Variants in CABS1 observed in about 807,000 individuals in gnomAD.
CABS1 encodes the protein calcium-binding and spermatid-specific protein 1.
For missense variants in CABS1, 500 were observed against 464.3 expected (o/e 1.08, Z -0.71); for synonymous variants, 195 against 169.0 (o/e 1.15, Z -1.19).
At position 70,335,183 on chromosome 4, in the gene CABS1, C is replaced by A. The variant is rs768161856; in HGVS notation, c.144C>A (p.Val48=). ...ETTITSEGDH[V]TSVNEYMLES... ...CTATTACTTCAGAAGGAGACCACGTCACTTCAGTAAATGAATATATGCTAG... is the reference window on the plus strand; with the variant it reads ...CTATTACTTCAGAAGGAGACCACGTAACTTCAGTAAATGAATATATGCTAG... Residue 48 remains valine, a synonymous_variant, in exon 1 of 2, where the codon GTC becomes GTA. Coordinates refer to ENST00000273936, the MANE Select transcript of CABS1 (RefSeq NM_033122.4). 6.2e-7 allele frequency: 1 copy of A among 1,613,820 alleles called. No homozygotes were observed. The highest frequency in any genetic ancestry group is 1.1e-5 in the South Asian group (1 of 91,072).
At position 70,335,489 on chromosome 4, in the gene CABS1, C is replaced by T. The variant is rs1444000814; in HGVS notation, c.450C>T (p.Asp150=). The T allele has an allele frequency of 1.2e-6, 2 of 1,613,718 alleles. No individual in the cohort carries two copies. Among genetic ancestry groups the T allele is most frequent in the East Asian group, 2.2e-5 (1 of 44,836 alleles). The change falls in exon 1 of 2, where the codon GAC becomes GAT. Residue 150 remains aspartate, a synonymous_variant. Transcript: ENST00000273936. The stretch of plus-strand genomic sequence containing the variant: ...AAGATATCCTCTTAGCTACCATTGA[C>T]ACAGGAGATGCAGAGATCTCAATAA... ...AKEDILLATI[D]TGDAEISITS...
rs1290881688 is a variant in CABS1 at position 70,335,413 on chromosome 4, C to T, written c.374C>T (p.Ser125Leu). Residue 125 changes from serine (S) to leucine (L), a missense_variant, in exon 1 of 2, where the codon TCA (serine) becomes TTA (leucine). Physicochemically the swap from Ser to Leu is moderately radical, Grantham distance 145. Coordinates refer to ENST00000273936, the MANE Select transcript of CABS1 (RefSeq NM_033122.4). The part of the protein sequence containing the change: ...FMPVKIGNIS[S>L]PVTTVSLIDF... Reference sequence around the variant, plus strand: ...CCAGTGAAAATTGGGAATATTTCATCACCAGTTACTACTGTTTCTTTAATA... The same window carrying T: ...CCAGTGAAAATTGGGAATATTTCATTACCAGTTACTACTGTTTCTTTAATA... 5.0e-6 allele frequency: 8 copies of T among 1,613,734 alleles called. No homozygotes were observed. The highest frequency in any genetic ancestry group is 6.8e-6 in the Non-Finnish European group (8 of 1,179,820).
chr4:70,335,393 GA>G lies in CABS1; in HGVS notation c.358del (p.Ile120LeufsTer13). ...DSITEHFMPV[K>X]IGNISSPVTT... ...CTATTACCGAACATTTCATGCCAGT[GA>G]AAATTGGGAATATTTCATCACCAGT... is the stretch of plus-strand genomic sequence containing the variant. On this transcript the variant is annotated frameshift_variant, in exon 1 of 2. Transcript: ENST00000273936. LOFTEE classifies it low-confidence loss of function (END_TRUNC). The G allele has an allele frequency of 6.2e-7, 1 of 1,613,670 alleles. No homozygotes were observed. Among genetic ancestry groups the G allele is most frequent in the Non-Finnish European group, 8.5e-7 (1 of 1,179,800 alleles).
intron 1 of CABS1, among the ~76,000 whole-genome samples, chr4:70,336,700 T>C (rs1227628221): frequency 1.3e-5 from 2 of 152,004 alleles, no homozygotes; most frequent in African/African-American, 2.4e-5. Context: ...ATTTTTTCAT[T>C]AGTATTTCAT....
At position 70,335,715 on chromosome 4, in the gene CABS1, A is replaced by G. The variant is rs763162691; in HGVS notation, c.676A>G (p.Thr226Ala). ...CCCTCCTGCTCCTGAAGAAAGCTTC[A>G]CTACTATTCCAGACATAACTGCCCT... ...EIPPAPEESF[T>A]TIPDITALEE... Residue 226 changes from threonine to alanine, a missense_variant, in exon 1 of 2, where the codon ACT (threonine) becomes GCT (alanine). Coordinates refer to ENST00000273936, the MANE Select transcript of CABS1 (RefSeq NM_033122.4). 1.2e-5 allele frequency: 19 copies of G among 1,613,542 alleles called. No homozygotes were observed. Among genetic ancestry groups the G allele is most frequent in the African/African-American group, 4.0e-5 (3 of 74,894 alleles).
rs762611329 is a variant in CABS1 at position 70,335,466 on chromosome 4, G to C, written c.427G>C (p.Asp143His). The C allele has an allele frequency of 2.6e-5, 42 of 1,613,518 alleles. No homozygotes were observed. ...IDFSTDIAKE[D>H]ILLATIDTGD... ...TTTTTCCACTGACATAGCAAAAGAA[G>C]ATATCCTCTTAGCTACCATTGACAC... The change falls in exon 1 of 2, where the codon GAT (aspartate) becomes CAT (histidine). Residue 143 changes from aspartate (D) to histidine (H), a missense_variant. Asp to His is a moderately conservative substitution (Grantham distance 81, BLOSUM62 -1). Coordinates refer to ENST00000273936, the MANE Select transcript of CABS1 (RefSeq NM_033122.4).
rs752623263 is a variant in CABS1 at position 70,336,197 on chromosome 4, G to A, written c.1158G>A (p.Leu386=). The change falls in exon 1 of 2, where the codon CTG becomes CTA. Residue 386 remains leucine, a synonymous_variant. Transcript: ENST00000273936. ...STTETDIFEL[L]KEEPDEFMI is the part of the protein sequence containing the mutation. The stretch of plus-strand genomic sequence containing the variant: ...CTGAAACGGATATCTTTGAACTACT[G>A]AAAGAAGAACCCGATGAGTTCATGA... The A allele has an allele frequency of 6.2e-7, 1 of 1,611,434 alleles. No homozygotes were observed. The highest frequency in any genetic ancestry group is 1.3e-5 in the African/African-American group (1 of 74,624).
In CABS1 at chr4:70,335,690, C is replaced by T. The variant is rs768124627; in HGVS notation, c.651C>T (p.Ile217=). Residue 217 remains isoleucine, a synonymous_variant, in exon 1 of 2, where the codon ATC becomes ATT. Transcript: ENST00000273936. ...VTDSTIPEAE[I]PPAPEESFTT... ...ATTCCACTATTCCTGAGGCTGAAAT[C>T]CCTCCTGCTCCTGAAGAAAGCTTCA... 3.8e-5 allele frequency: 62 copies of T among 1,613,528 alleles called. No individual in the cohort carries two copies. The highest frequency in any genetic ancestry group is 5.2e-5 in the Non-Finnish European group (61 of 1,179,746).
Position 70,336,060 on chromosome 4 carries a change from G to A in CABS1, c.1021G>A (p.Glu341Lys), listed in dbSNP as rs748967987. Residue 341 changes from glutamate (E) to lysine (K), a missense_variant, in exon 1 of 2, where the codon GAA (glutamate) becomes AAA (lysine). By Grantham distance (56) the Glu-to-Lys change is moderately conservative (BLOSUM62 1). Coordinates refer to ENST00000273936, the MANE Select transcript of CABS1 (RefSeq NM_033122.4). ...TNLVEESSTE[E>K]DLSETDNTET... ...CCTAGTGGAAGAATCATCTACAGAA[G>A]AAGATTTGTCTGAAACTGATAATAC... is the stretch of plus-strand genomic sequence containing the variant. 1 of 1,613,410 alleles carries A rather than the reference G, an allele frequency of 6.2e-7. No homozygotes were observed. Among genetic ancestry groups the A allele is most frequent in the East Asian group, 2.2e-5 (1 of 44,844 alleles).
At position 70,336,105 on chromosome 4, in the gene CABS1, A is replaced by C; in HGVS notation, c.1066A>C (p.Thr356Pro). The C allele has an allele frequency of 6.2e-7, 1 of 1,613,208 alleles. No homozygotes were observed. Among genetic ancestry groups the C allele is most frequent in the South Asian group, 1.1e-5 (1 of 91,068 alleles). ...TDNTETVPKI[T>P]EPFSGTTSVL... ...TAATACAGAGACTGTACCTAAGATC[A>C]CTGAGCCATTTTCTGGAACTACCTC... Residue 356 changes from threonine to proline, a missense_variant, in exon 1 of 2, where the codon ACT (threonine) becomes CCT (proline). By Grantham distance (38) the Thr-to-Pro change is conservative (BLOSUM62 -1). Transcript: ENST00000273936.
rs1479256504 is a variant in CABS1 at position 70,335,660 on chromosome 4, C to T, written c.621C>T (p.Val207=). ...SNVPADEAVQ[V]TDSTIPEAEI... The stretch of plus-strand genomic sequence containing the variant: ...TCCCTGCTGATGAGGCTGTCCAGGT[C>T]ACTGATTCCACTATTCCTGAGGCTG... Residue 207 remains valine (V), a synonymous_variant, in exon 1 of 2, where the codon GTC becomes GTT. Transcript: ENST00000273936. 6.2e-7 allele frequency: 1 copy of T among 1,613,406 alleles called. No homozygotes were observed. The highest frequency in any genetic ancestry group is 1.3e-5 in the African/African-American group (1 of 74,878).
rs773366011 is a variant in CABS1, at chr4:70,335,881, G to A, written c.842G>A (p.Arg281Gln). ...TCTGCTGAAAAAGACAAAGATAAAC[G>A]GGAAGATACTCTGCTAACTGATGAA... ...TTSAEKDKDK[R>Q]EDTLLTDEET... The change falls in exon 1 of 2, where the codon CGG becomes CAG. Residue 281 changes from arginine (R) to glutamine (Q), a missense_variant. Physicochemically the swap from Arg to Gln is conservative, Grantham distance 43. Transcript: ENST00000273936. 3.1e-6 allele frequency: 5 copies of A among 1,613,554 alleles called. No individual in the cohort carries two copies. The highest frequency in any genetic ancestry group is 1.7e-5 in the Admixed American group (1 of 59,954).
Position 70,336,065 on chromosome 4 carries a change from T to G in CABS1, c.1026T>G (p.Asp342Glu), listed in dbSNP as rs1362940183. 1.2e-6 allele frequency: 2 copies of G among 1,613,266 alleles called. No individual in the cohort carries two copies. Among genetic ancestry groups the G allele is most frequent in the African/African-American group, 2.7e-5 (2 of 74,852 alleles). ...TGGAAGAATCATCTACAGAAGAAGA[T>G]TTGTCTGAAACTGATAATACAGAGA... Reference protein sequence around the residue: ...NLVEESSTEEDLSETDNTETV... With the variant: ...NLVEESSTEEELSETDNTETV... The change falls in exon 1 of 2, where the codon GAT becomes GAG. Residue 342 changes from aspartate (D) to glutamate (E), a missense_variant. By Grantham distance (45) the Asp-to-Glu change is conservative. Coordinates refer to ENST00000273936, the MANE Select transcript of CABS1 (RefSeq NM_033122.4).
rs3796706 is a variant in CABS1, at chr4:70,335,265, A to C, written c.226A>C (p.Lys76Gln). The change falls in exon 1 of 2, where the codon AAA (lysine) becomes CAA (glutamine). Residue 76 changes from lysine to glutamine, a missense_variant. By Grantham distance (53) the Lys-to-Gln change is moderately conservative (BLOSUM62 1). Coordinates refer to ENST00000273936, the MANE Select transcript of CABS1 (RefSeq NM_033122.4). The part of the protein sequence containing the change: ...NKLTAKKEKL[K>Q]SEDDMGTDFI... ...ACTGACAGCTAAAAAGGAAAAACTC[A>C]AATCAGAAGATGATATGGGGACCGA... 574 of 1,613,578 alleles carry C rather than the reference A, an allele frequency of 3.6e-4. 5 individuals carry two copies. In the East Asian group the frequency reaches 0.012, roughly 34 times the overall value.
In CABS1 at chr4:70,336,128, C is replaced by G; in HGVS notation, c.1089C>G (p.Thr363=). The G allele has an allele frequency of 3.1e-6, 5 of 1,613,208 alleles. No individual in the cohort carries two copies. The highest frequency in any genetic ancestry group is 4.2e-6 in the Non-Finnish European group (5 of 1,179,480). Residue 363 remains threonine (T), a synonymous_variant, in exon 1 of 2, where the codon ACC becomes ACG. Transcript: ENST00000273936. ...TCACTGAGCCATTTTCTGGAACTAC[C>G]TCTGTATTAGATACCCCAGACTATA... The part of the protein sequence containing the change: ...PKITEPFSGT[T]SVLDTPDYKE...
At position 70,336,026 on chromosome 4, in the gene CABS1, A is replaced by G. The variant is rs985075662; in HGVS notation, c.987A>G (p.Ile329Met). ...SRYDFVVPAS[I>M]ATNLVEESST... The stretch of plus-strand genomic sequence containing the variant: ...ATGACTTCGTTGTCCCTGCATCAAT[A>G]GCTACAAACCTAGTGGAAGAATCAT... Residue 329 changes from isoleucine to methionine, a missense_variant, in exon 1 of 2, where the codon ATA becomes ATG. Coordinates refer to ENST00000273936, the MANE Select transcript of CABS1 (RefSeq NM_033122.4). 6.2e-7 allele frequency: 1 copy of G among 1,613,414 alleles called. No homozygotes were observed. Among genetic ancestry groups the G allele is most frequent in the Admixed American group, 1.7e-5 (1 of 59,930 alleles).
Position 70,334,988 on chromosome 4 carries a change from C to A in CABS1, c.-52C>A. 6.5e-7 allele frequency: 1 copy of A among 1,538,566 alleles called. No homozygotes were observed. On this transcript the variant is annotated 5_prime_UTR_variant, in exon 1 of 2. Transcript: ENST00000273936. The stretch of plus-strand genomic sequence containing the variant: ...AACACTGCTCTCCTGCCTAGAGATA[C>A]CACTGAGTCCAGAAGCAAGACCTGT...
In CABS1 at chr4:70,334,990, A is replaced by C. The variant is rs930474785; in HGVS notation, c.-50A>C. 2.6e-6 allele frequency: 4 copies of C among 1,548,118 alleles called. No individual in the cohort carries two copies. Among genetic ancestry groups the C allele is most frequent in the South Asian group, 2.5e-5 (2 of 80,236 alleles). Reference sequence around the variant, plus strand: ...CACTGCTCTCCTGCCTAGAGATACCACTGAGTCCAGAAGCAAGACCTGTGA... The same window carrying C: ...CACTGCTCTCCTGCCTAGAGATACCCCTGAGTCCAGAAGCAAGACCTGTGA... On this transcript the variant is annotated 5_prime_UTR_variant, in exon 1 of 2. Coordinates refer to ENST00000273936, the MANE Select transcript of CABS1 (RefSeq NM_033122.4).
Position 70,335,994 on chromosome 4 carries a change from T to C in CABS1, c.955T>C (p.Ser319Pro). Reference protein sequence around the residue: ...THSVLLTAVESRYDFVVPASI... With the variant: ...THSVLLTAVEPRYDFVVPASI... ...TTCTGTTTTGCTTACTGCTGTTGAA[T>C]CCAGATATGACTTCGTTGTCCCTGC... The change falls in exon 1 of 2, where the codon TCC (serine) becomes CCC (proline). Residue 319 changes from serine (S) to proline (P), a missense_variant. Physicochemically the swap from Ser to Pro is moderately conservative, Grantham distance 74. Transcript: ENST00000273936. The C allele has an allele frequency of 1.2e-6, 2 of 1,613,544 alleles. No individual in the cohort carries two copies. Among genetic ancestry groups the C allele is most frequent in the Non-Finnish European group, 1.7e-6 (2 of 1,179,690 alleles).
Sources: allele counts gnomAD v4.1 joint callset (sites outside exome capture counted in the v4.1 genomes callset), GRCh38; gene constraint gnomAD v4.1.1; transcripts MANE v1.5; gene names NCBI Gene and HGNC (gene_info 2026-07-23, HGNC 2026-07-21).